The following FRMPD4 variants were observed in gnomAD, a reference collection of about 807,000 sequenced individuals.
FRMPD4 encodes FERM and PDZ domain containing 4.
In FRMPD4, 22 loss-of-function variants were observed where a neutral mutation model predicts 94.1. The ratio of observed to expected loss-of-function variants is 0.23; its 90% confidence interval spans 0.17 to 0.33. The LOEUF (loss-of-function observed/expected upper bound fraction) is 0.33. FRMPD4 is among the 10% of genes least tolerant of loss of function. The pLI, the probability that FRMPD4 is intolerant of heterozygous loss-of-function variation, is 1.00. For missense variants in FRMPD4, 1,111 were observed against 1,339.9 expected, an observed-to-expected ratio of 0.83 and a Z score of 2.67; for synonymous variants, 631 against 548.6, an observed-to-expected ratio of 1.15 and a Z score of -2.10.
Position 12,202,603 on chromosome X carries a change from T to C in FRMPD4, c.41+63591T>C, listed in dbSNP as rs112488489. The stretch of plus-strand genomic sequence containing the variant: ...AGTAGGAGGCAAATTTTGTTTTTGA[T>C]GCCTATACTAAATTAATTTGTGTTA... On this transcript the variant is annotated intron_variant, in intron 1 of 16. Coordinates refer to ENST00000675598, the MANE Select transcript of FRMPD4 (RefSeq NM_001368397.1). Among the ~76,000 whole-genome samples the C allele has an allele frequency of 6.1e-3, 685 of 112,381 alleles. 9 individuals are homozygous for C. Among genetic ancestry groups the C allele is most frequent in the African/African-American group, 0.021 (652 of 30,962 alleles).
chrX:12,315,579 C>T (rs148506516), intron 1 of FRMPD4, among the ~76,000 whole-genome samples: 79 of 111,347 alleles, frequency 7.1e-4, no homozygotes, highest in Middle Eastern at 4.6e-3. Flanking sequence ...GAAGGAGAAA[C>T]GTGGATAAAA....
At chrX:12,168,903 G>A (rs912628344) in intron 1 of FRMPD4, among the ~76,000 whole-genome samples, 1 of 111,878 alleles carries the variant, frequency 8.9e-6, no homozygotes, top group East Asian at 2.8e-4. Flanking sequence ...GGGATTACAG[G>A]CGTGAGCCAC....
chrX:12,347,120 T>C (rs1303996185), intron 1 of FRMPD4, among the ~76,000 whole-genome samples: 1 of 112,362 alleles, frequency 8.9e-6, no homozygotes, highest in East Asian at 2.8e-4. Flanking sequence ...CTAGATAAAT[T>C]TCATATTCTT....
At position 12,335,615 on chromosome X, in the gene FRMPD4, T is replaced by C. The variant is rs2055506546; in HGVS notation, c.42-163065T>C. 4.5e-5 allele frequency among the ~76,000 whole-genome samples: 5 copies of C among 111,574 alleles called. No homozygotes were observed. The South Asian group carries it at 1.9e-3, about 43-fold the overall frequency. Reference sequence around the variant, plus strand: ...GCCATTTCTCTCCCCACTGAGATGCTTTCACTATCTACTCTCTTTTACAAA... The same window carrying C: ...GCCATTTCTCTCCCCACTGAGATGCCTTCACTATCTACTCTCTTTTACAAA... On this transcript the variant is annotated intron_variant, in intron 1 of 16. Coordinates refer to ENST00000675598, the MANE Select transcript of FRMPD4 (RefSeq NM_001368397.1).
chrX:11,978,321 C>CAAAAAAAAAAAAAAAAA lies in FRMPD4; in HGVS notation c.95+100315_95+100331dup, dbSNP rs1172824155. Among the ~76,000 whole-genome samples the CAAAAAAAAAAAAAAAAA allele has an allele frequency of 3.7e-4, 6 of 16,355 alleles. 1 individual carries two copies. Among genetic ancestry groups the CAAAAAAAAAAAAAAAAA allele is most frequent in the Admixed American group, 2.8e-3 (2 of 707 alleles). The allele number at this position is 16,355 out of a possible 115,157, so 14.2% of individuals were successfully genotyped here. On this transcript the variant is annotated intron_variant, in intron 3 of 18. Coordinates refer to the FRMPD4 transcript ENST00000640291. ...TGGATGACAGAGTGAAACTCCATCT[C>CAAAAAAAAAAAAAAAAA]AAAAAAAAAAAAAAAAAAAAAAAAA...
chrX:12,165,988 A>G (rs1478347695), intron 1 of FRMPD4, among the ~76,000 whole-genome samples: 1 of 111,840 alleles, frequency 8.9e-6, no homozygotes, highest in East Asian at 2.8e-4. Context: ...CAATCATGTT[A>G]TCTGCAAACA....
intron 4 of FRMPD4, among the ~76,000 whole-genome samples, chrX:12,659,892 C>A (rs2059697414): frequency 8.9e-6 from 1 of 112,186 alleles, no homozygotes; most frequent in Admixed American, 9.5e-5. Context: ...CAAACCAAAA[C>A]CAGATACATA....
intron 3 of FRMPD4, among the ~76,000 whole-genome samples, chrX:12,099,737 T>C (rs1455027053): frequency 8.9e-6 from 1 of 112,209 alleles, no homozygotes; most frequent in Non-Finnish European, 1.9e-5. Context: ...AAATCCTGTT[T>C]TTAAATTATT....
chrX:12,398,275 C>T, intron 1 of FRMPD4, among the ~76,000 whole-genome samples: 1 of 111,566 alleles, frequency 9.0e-6, no homozygotes, highest in East Asian at 2.8e-4. Context: ...ATTTTGTGTG[C>T]CAAAATTAAT....
intron 2 of FRMPD4, among the ~76,000 whole-genome samples, chrX:12,577,029 G>A (rs1168639116): frequency 2.7e-5 from 3 of 111,646 alleles, no homozygotes; most frequent in Non-Finnish European, 5.6e-5. Context: ...GAATTCTGAG[G>A]CCCTTGAGAA....
chrX:12,535,680 T>G (rs2058331875), intron 2 of FRMPD4, among the ~76,000 whole-genome samples: 1 of 112,289 alleles, frequency 8.9e-6, no homozygotes, highest in Non-Finnish European at 1.9e-5. Flanking sequence ...CAAATCCAGT[T>G]TGCAGCCTAT....
chrX:12,554,605 G>A (rs2058575080), intron 2 of FRMPD4, among the ~76,000 whole-genome samples: 1 of 111,525 alleles, frequency 9.0e-6, no homozygotes, highest in South Asian at 3.8e-4. Context: ...GATCAGAAAG[G>A]AAAATTCATA....
At chrX:12,637,014 G>T (rs1308908392) in intron 4 of FRMPD4, among the ~76,000 whole-genome samples, 2 of 112,221 alleles carry the variant, frequency 1.8e-5, no homozygotes, top group Non-Finnish European at 3.8e-5. Context: ...ATTCCTTTTA[G>T]TGGGAAATGA....
At chrX:12,445,510 G>A (rs757935271) in intron 1 of FRMPD4, among the ~76,000 whole-genome samples, 1 of 112,640 alleles carries the variant, frequency 8.9e-6, no homozygotes, top group African/African-American at 3.2e-5. Context: ...TGCCTGTCAC[G>A]TATAAGACAC....
chrX:12,400,012 T>C (rs750544931), intron 1 of FRMPD4, among the ~76,000 whole-genome samples: 33 of 111,962 alleles, frequency 2.9e-4, no homozygotes, highest in Non-Finnish European at 5.5e-4. Flanking sequence ...AGGTTTTCAC[T>C]TAAAAGGTAT....
chrX:12,083,886 T>C (rs763881350), intron 3 of FRMPD4, among the ~76,000 whole-genome samples: 147 of 112,211 alleles, frequency 1.3e-3, no homozygotes, highest in Admixed American at 1.6e-3. Flanking sequence ...CAAATGCCTG[T>C]ACCCCCATTG....
At chrX:12,449,402 G>C (rs924952704) in intron 1 of FRMPD4, among the ~76,000 whole-genome samples, 1 of 111,839 alleles carries the variant, frequency 8.9e-6, no homozygotes, top group Middle Eastern at 4.6e-3. Context: ...TGGAAGCTGA[G>C]TGCACTCAAA....
chrX:11,941,300 C>G lies in FRMPD4; in HGVS notation c.95+63282C>G. 3.7e-5 allele frequency among the ~76,000 whole-genome samples: 2 copies of G among 54,332 alleles called. 1 individual carries two copies. Among genetic ancestry groups the G allele is most frequent in the Non-Finnish European group, 9.0e-5 (2 of 22,204 alleles). The allele number at this position is 54,332 out of a possible 115,157, so 47.2% of individuals were successfully genotyped here. A position where few individuals can be genotyped will look rare whatever the true frequency, so the allele number is the denominator to read the frequency against. On this transcript the variant is annotated intron_variant, in intron 3 of 18. Transcript: ENST00000640291. ...ACCGGAGCTGTTCCTATTCGGCCAT[C>G]TTGGCTCCTCCCTCCCTGGTGATTT...
chrX:12,252,159 T>C (rs1207996306), intron 1 of FRMPD4, among the ~76,000 whole-genome samples: 1 of 111,607 alleles, frequency 9.0e-6, no homozygotes, highest in Non-Finnish European at 1.9e-5. Context: ...GAAAATAGGC[T>C]CAGAAAGGTT....
Sources: gnomAD v4.1 joint callset for allele counts (sites outside exome capture counted in the v4.1 genomes callset) on GRCh38, gnomAD v4.1.1 for gene constraint, MANE v1.5 for transcripts, NCBI Gene and HGNC (gene_info 2026-07-23, HGNC 2026-07-21) for gene names.